C12orf76: variants seen among roughly 807,000 people sequenced by gnomAD.
The protein encoded by C12orf76 is uncharacterized protein C12orf76.
C12orf76 carries 6 observed loss-of-function variants against 6.8 expected under a neutral mutation model. That is an observed-to-expected ratio of 0.88 (90% confidence interval 0.48 to 1.73). The LOEUF is 1.73. Among genes scored for constraint, C12orf76 ranks in the 40% most tolerant of loss-of-function variants. The pLI, the probability that C12orf76 is intolerant of heterozygous loss-of-function variation, is 0.01. For synonymous variants in C12orf76, 56 were observed against 43.7 expected (o/e 1.28, Z -1.11); for missense variants, 99 against 98.2 (o/e 1.01, Z -0.03).
chr12:110,057,547 G>A (rs910585490), intron 3 of C12orf76, among the ~76,000 whole-genome samples: 4 of 152,120 alleles, frequency 2.6e-5, no homozygotes, highest in Non-Finnish European at 4.4e-5. Flanking sequence ...CATGGTGGGG[G>A]CTCAGCAAGG....
chr12:110,052,439 C>T (rs1695431683), upstream of C12orf76, among the ~76,000 whole-genome samples: 1 of 152,012 alleles, frequency 6.6e-6, no homozygotes, highest in African/African-American at 2.4e-5. Flanking sequence ...TCAAGCGATT[C>T]TCCACCTCAG....
chr12:110,063,089 G>A (rs1265152693), intron 2 of C12orf76, among the ~76,000 whole-genome samples: 1 of 150,490 alleles, frequency 6.6e-6, no homozygotes, highest in Non-Finnish European at 1.5e-5. Flanking sequence ...ACATGCACCT[G>A]CCACCACGCC....
chr12:110,050,831 A>C, upstream of C12orf76: 4 of 592,818 alleles, frequency 6.7e-6, no homozygotes, highest in East Asian at 2.8e-5. Flanking sequence ...ACTTGCCCTA[A>C]TTCTTTCTTG....
chr12:110,068,740 T>C (rs952259787), upstream of C12orf76, among the ~76,000 whole-genome samples: 1 of 152,198 alleles, frequency 6.6e-6, no homozygotes, highest in Non-Finnish European at 1.5e-5. Flanking sequence ...TTATTCTGGC[T>C]CTTTATCCTT....
intron 2 of C12orf76, among the ~76,000 whole-genome samples, chr12:110,063,714 G>A (rs995265008): frequency 6.6e-6 from 1 of 151,190 alleles, no homozygotes; most frequent in African/African-American, 2.4e-5. Context: ...TGCAATGCCC[G>A]CCTCCCAGGT....
At chr12:110,073,169 C>T (rs932137721) in intron 1 of C12orf76, among the ~76,000 whole-genome samples, 1 of 152,170 alleles carries the variant, frequency 6.6e-6, no homozygotes, top group African/African-American at 2.4e-5. Context: ...ACACCCTGCC[C>T]TGCTCTCCCT....
At chr12:110,070,657 A>G (rs1304582445), upstream of C12orf76, among the ~76,000 whole-genome samples, 1 of 152,240 alleles carries the variant, frequency 6.6e-6, no homozygotes, top group African/African-American at 2.4e-5. Context: ...GAATTATGAC[A>G]TGTAATCCCT....
upstream of C12orf76, among the ~76,000 whole-genome samples, chr12:110,068,081 G>T (rs917170472): frequency 4.6e-5 from 7 of 151,710 alleles, no homozygotes; most frequent in Non-Finnish European, 1.0e-4. Flanking sequence ...GGCGTAGTGG[G>T]GCATGCCAGC....
At chr12:110,067,132 T>C (rs957135211) in intron 1 of C12orf76, among the ~76,000 whole-genome samples, 2 of 152,236 alleles carry the variant, frequency 1.3e-5, no homozygotes, top group African/African-American at 4.8e-5. Flanking sequence ...ATTCCTTTGC[T>C]TACAATCTTC....
chr12:110,068,447 C>T (rs574113131), upstream of C12orf76, among the ~76,000 whole-genome samples: 12 of 152,232 alleles, frequency 7.9e-5, no homozygotes, highest in African/African-American at 2.6e-4. Context: ...CTTCAACTGC[C>T]CAGTTACATG....
upstream of C12orf76, chr12:110,051,403 C>T (rs11064860): frequency 0.14 from 85,851 of 613,252 alleles, 7,150 homozygotes; most frequent in African/African-American, 0.31. Context: ...ACTGAGCACT[C>T]GCTATAGGAA....
intron 2 of C12orf76, among the ~76,000 whole-genome samples, chr12:110,064,140 T>C (rs746964147): frequency 3.4e-4 from 52 of 152,268 alleles, no homozygotes; most frequent in Admixed American, 8.5e-4. Flanking sequence ...CTTTAAGGCA[T>C]GGGGTCCAGG....
At chr12:110,046,844 G>A (rs1011274563) in intron 1 of C12orf76, among the ~76,000 whole-genome samples, 4 of 152,058 alleles carry the variant, frequency 2.6e-5, no homozygotes, top group African/African-American at 9.7e-5. Flanking sequence ...AGGAGTAGGG[G>A]GTGCTACTGG....
At chr12:110,057,628 C>A (rs970948449) in intron 3 of C12orf76, among the ~76,000 whole-genome samples, 1 of 152,134 alleles carries the variant, frequency 6.6e-6, no homozygotes, top group African/African-American at 2.4e-5. Flanking sequence ...AGTTAAATCC[C>A]AATTATATTA....
chr12:110,052,165 G>A (rs978775693), upstream of C12orf76, among the ~76,000 whole-genome samples: 21 of 150,364 alleles, frequency 1.4e-4, no homozygotes, highest in African/African-American at 5.1e-4. Flanking sequence ...CAAAGTGCTG[G>A]GATTACAGGC....
At chr12:110,053,790 TG>T, upstream of C12orf76, among the ~76,000 whole-genome samples, 1 of 152,100 alleles carries the variant, frequency 6.6e-6, no homozygotes, top group South Asian at 2.1e-4. Flanking sequence ...ATTCATACAA[TG>T]GGATGCTTTG....
intron 2 of C12orf76, among the ~76,000 whole-genome samples, chr12:110,060,069 A>T (rs1235783755): frequency 1.3e-5 from 2 of 152,112 alleles, no homozygotes; most frequent in African/African-American, 4.8e-5. Flanking sequence ...TCTACTAAAA[A>T]TACAAAATTA....
intron 2 of C12orf76, among the ~76,000 whole-genome samples, chr12:110,063,924 G>T (rs182988973): frequency 6.6e-6 from 1 of 151,886 alleles, no homozygotes; most frequent in South Asian, 2.1e-4. Flanking sequence ...ACAAACAAAC[G>T]AACAAACAAA....
upstream of C12orf76, among the ~76,000 whole-genome samples, chr12:110,072,103 T>C (rs1440423298): frequency 6.6e-6 from 1 of 152,162 alleles, no homozygotes; most frequent in African/African-American, 2.4e-5. Flanking sequence ...GTTCCATCCA[T>C]GCAATGGAAT....
Sources: gnomAD v4.1 joint callset for allele counts (sites outside exome capture counted in the v4.1 genomes callset) on GRCh38, gnomAD v4.1.1 for gene constraint, MANE v1.5 for transcripts, NCBI Gene and HGNC (gene_info 2026-07-23, HGNC 2026-07-21) for gene names.